Variants in BICDL1 observed in about 807,000 individuals in gnomAD.
BICDL1 encodes BICD family like cargo adaptor 1, also known as BICD family-like cargo adapter 1.
In BICDL1, 20 loss-of-function variants were observed where a neutral mutation model predicts 76.8. The observed-to-expected ratio is 0.26, with a 90% CI of 0.18 to 0.38. BICDL1 has a LOEUF of 0.38. Ranked by LOEUF, BICDL1 falls within the 10% of genes least tolerant of loss-of-function variation. The pLI, the probability that BICDL1 is intolerant of heterozygous loss-of-function variation, is 1.00. For missense variants in BICDL1, 700 were observed against 798.6 expected, an observed-to-expected ratio of 0.88 and a Z score of 1.49; for synonymous variants, 383 against 337.1, an observed-to-expected ratio of 1.14 and a Z score of -1.49.
chr12:120,050,863 C>G (rs1053136963), intron 2 of BICDL1, among the ~76,000 whole-genome samples: 1 of 151,476 alleles, frequency 6.6e-6, no homozygotes, highest in Non-Finnish European at 1.5e-5. Flanking sequence ...AACTCCTGGC[C>G]TCAAGTGATC....
intron 9 of BICDL1, chr12:120,092,512 T>C (rs773006770): frequency 1.6e-5 from 16 of 985,264 alleles, no homozygotes; most frequent in East Asian, 1.1e-4. Context: ...GCTGGAATAA[T>C]TGGAAAGGAA....
intron 1 of BICDL1, among the ~76,000 whole-genome samples, chr12:119,997,201 C>T (rs1361607851): frequency 6.6e-6 from 1 of 152,194 alleles, no homozygotes; most frequent in Non-Finnish European, 1.5e-5. Context: ...CCTCCTTAGC[C>T]TCCCAAAGTG....
intron 2 of BICDL1, among the ~76,000 whole-genome samples, chr12:120,027,612 A>G (rs1371980031): frequency 6.6e-6 from 1 of 152,148 alleles, no homozygotes; most frequent in Non-Finnish European, 1.5e-5. Flanking sequence ...TACTGTTGTC[A>G]CTTTCTTGTG....
At chr12:120,038,277 C>T (rs953543828) in intron 2 of BICDL1, among the ~76,000 whole-genome samples, 10 of 152,166 alleles carry the variant, frequency 6.6e-5, no homozygotes, top group East Asian at 1.9e-4. Context: ...TTTTCCCTTC[C>T]GCCTGAGAAA....
At chr12:119,992,302 G>C (rs1042962799) in intron 1 of BICDL1, 4 of 152,148 alleles carry the variant, frequency 2.6e-5, no homozygotes, top group Non-Finnish European at 5.9e-5. Context: ...TGACACCTCC[G>C]GTTTAGTTTT....
At chr12:120,008,318 T>C (rs996889789) in intron 2 of BICDL1, among the ~76,000 whole-genome samples, 2 of 152,158 alleles carry the variant, frequency 1.3e-5, no homozygotes, top group Non-Finnish European at 2.9e-5. Context: ...GCCACCATTC[T>C]TGGCTAATTT....
chr12:120,023,704 C>T (rs1224895480), intron 2 of BICDL1, among the ~76,000 whole-genome samples: 2 of 151,568 alleles, frequency 1.3e-5, no homozygotes, highest in African/African-American at 4.9e-5. Context: ...GTAGGAGAAT[C>T]GCTTGAGCCT....
At chr12:120,064,355 G>A (rs1953173031) in intron 3 of BICDL1, among the ~76,000 whole-genome samples, 1 of 152,158 alleles carries the variant, frequency 6.6e-6, no homozygotes. Context: ...AGGAGAAGTA[G>A]TGCAGCAGGT....
chr12:120,072,737 G>A lies in BICDL1; in HGVS notation c.1308+8G>A. The stretch of plus-strand genomic sequence containing the variant: ...GATGGCATGGAGCCCACGGTAAGAG[G>A]CCAGTCTGAGATGGTCCTTACCCCA... On this transcript the variant is annotated splice_region_variant and intron_variant, in intron 6 of 9. Coordinates refer to ENST00000548673, the MANE Select transcript of BICDL1 (RefSeq NM_001367886.1). The A allele has an allele frequency of 6.2e-7, 1 of 1,609,488 alleles. No individual in the cohort carries two copies. The highest frequency in any genetic ancestry group is 8.5e-7 in the Non-Finnish European group (1 of 1,178,992).
intron 1 of BICDL1, among the ~76,000 whole-genome samples, chr12:119,996,409 GAC>G (rs1192706304): frequency 6.6e-6 from 1 of 152,088 alleles, no homozygotes; most frequent in Non-Finnish European, 1.5e-5. Context: ...TCATTTTTTA[GAC>G]ACACCCCAGA....
At chr12:120,048,632 T>G (rs1470452465) in intron 2 of BICDL1, among the ~76,000 whole-genome samples, 2 of 152,164 alleles carry the variant, frequency 1.3e-5, no homozygotes, top group Non-Finnish European at 2.9e-5. Context: ...GACCAAGGCA[T>G]CTCCTCTGGG....
At chr12:120,041,216 T>C (rs1275595712) in intron 2 of BICDL1, among the ~76,000 whole-genome samples, 1 of 152,210 alleles carries the variant, frequency 6.6e-6, no homozygotes, top group Non-Finnish European at 1.5e-5. Context: ...TTTGTGACTA[T>C]TGATAATAGT....
In BICDL1 at chr12:120,093,100, G is replaced by C. The variant is rs762911693; in HGVS notation, c.1805G>C (p.Arg602Pro). ...AALCRGHSAG[R>P]GDEPSIAEGK... is the part of the protein sequence containing the mutation. Reference sequence around the variant, plus strand: ...CTCTGCAGGGGCCACAGCGCTGGGCGGGGGGATGAGCCCAGCATCGCTGAA... The same window carrying C: ...CTCTGCAGGGGCCACAGCGCTGGGCCGGGGGATGAGCCCAGCATCGCTGAA... Residue 602 changes from arginine to proline, a missense_variant, in exon 10 of 10, where the codon CGG becomes CCG. By Grantham distance (103) the Arg-to-Pro change is moderately radical. Around this residue, in one of 3 missense-constraint regions of BICDL1, gnomAD observed 455 missense variants for 548.7 expected, o/e 0.83. Coordinates refer to ENST00000548673, the MANE Select transcript of BICDL1 (RefSeq NM_001367886.1). 23 of 1,612,730 alleles carry C rather than the reference G, an allele frequency of 1.4e-5. No individual in the cohort carries two copies. In the South Asian group the frequency reaches 1.6e-4, roughly 12 times the overall value.
intron 1 of BICDL1, among the ~76,000 whole-genome samples, chr12:119,993,770 A>C (rs1285913639): frequency 2.6e-5 from 4 of 151,976 alleles, no homozygotes; most frequent in Non-Finnish European, 4.4e-5. Flanking sequence ...ACAACCCACC[A>C]TCATGCCTGG....
rs561217277 is a variant in BICDL1 at position 119,998,730 on chromosome 12, C to T, written c.639C>T (p.Leu213=). ...SEQNQRLLDQ[L]SRASEVERQL... ...AGAACCAAAGGCTATTGGATCAGCTCAGCAGGGTGAGTCACAAATTAAGAA... is the reference window on the plus strand; with the variant it reads ...AGAACCAAAGGCTATTGGATCAGCTTAGCAGGGTGAGTCACAAATTAAGAA... Residue 213 remains leucine, a synonymous_variant, in exon 2 of 10, where the codon CTC becomes CTT. Coordinates refer to ENST00000548673, the MANE Select transcript of BICDL1 (RefSeq NM_001367886.1). 8 of 1,612,952 alleles carry T rather than the reference C, an allele frequency of 5.0e-6. No individual in the cohort carries two copies. The South Asian group carries it at 8.8e-5, about 18-fold the overall frequency.
intron 2 of BICDL1, among the ~76,000 whole-genome samples, chr12:120,011,076 G>A (rs186423804): frequency 2.0e-5 from 3 of 152,194 alleles, no homozygotes; most frequent in Non-Finnish European, 4.4e-5. Flanking sequence ...TTCCTGAGTG[G>A]TCAGTGGCTC....
At chr12:120,056,287 G>A (rs922297252) in intron 2 of BICDL1, among the ~76,000 whole-genome samples, 2 of 152,128 alleles carry the variant, frequency 1.3e-5, no homozygotes, top group African/African-American at 4.8e-5. Context: ...CTAAAGTCTT[G>A]CCATCTATTT....
At chr12:120,020,798 G>T (rs1463185597) in intron 2 of BICDL1, among the ~76,000 whole-genome samples, 1 of 152,172 alleles carries the variant, frequency 6.6e-6, no homozygotes, top group Non-Finnish European at 1.5e-5. Flanking sequence ...TTTAACAAGT[G>T]CTCCATCTTG....
intron 2 of BICDL1, among the ~76,000 whole-genome samples, chr12:120,037,124 A>C (rs1338769521): frequency 6.6e-6 from 1 of 152,168 alleles, no homozygotes; most frequent in South Asian, 2.1e-4. Flanking sequence ...CAGTACTACA[A>C]GTTACTCAGT....
Sources: allele counts gnomAD v4.1 joint callset (sites outside exome capture counted in the v4.1 genomes callset), GRCh38; gene constraint gnomAD v4.1.1; regional missense constraint gnomAD v4.1.1; transcripts MANE v1.5; gene names NCBI Gene and HGNC (gene_info 2026-07-23, HGNC 2026-07-21).